The following TJP1 variants were observed in gnomAD, a reference collection of about 807,000 sequenced individuals.
TJP1 encodes the protein tight junction protein 1.
In TJP1, 43 loss-of-function variants were observed where a neutral mutation model predicts 194.2. The observed-to-expected ratio is 0.22, with a 90% CI of 0.17 to 0.29. The LOEUF is 0.29. Ranked by LOEUF, TJP1 falls within the 10% of genes least tolerant of loss-of-function variation. The probability of loss-of-function intolerance (pLI) is 1.00; values close to 1 mark genes in which losing one functional copy is unlikely to be tolerated. For synonymous variants in TJP1, 801 were observed against 779.0 expected, an observed-to-expected ratio of 1.03 and a Z score of -0.47; for missense variants, 1,971 against 2,185.7, an observed-to-expected ratio of 0.90 and a Z score of 1.96.
At position 29,719,131 on chromosome 15, in the gene TJP1, C is replaced by G. The variant is rs779206488; in HGVS notation, c.3011G>C (p.Arg1004Thr). 2 of 1,591,110 alleles carry G rather than the reference C, an allele frequency of 1.3e-6. No individual in the cohort carries two copies. The highest frequency in any genetic ancestry group is 2.3e-5 in the South Asian group (2 of 86,952). ...SSHVDPTKVY[R>T]KDPYPEEMMR... Reference sequence around the variant, plus strand: ...CATTTCCTCGGGATATGGATCCTTTCTATACACCTGTATAAAAAATTCACA... The same window carrying G: ...CATTTCCTCGGGATATGGATCCTTTGTATACACCTGTATAAAAAATTCACA... Residue 1004 changes from arginine (R) to threonine (T), a missense_variant, in exon 21 of 28, where the codon AGA becomes ACA. Physicochemically the swap from Arg to Thr is moderately conservative, Grantham distance 71. Transcript: ENST00000614355.
intron 24 of TJP1, 149 bp downstream of exon 24, chr15:29,710,682 C>T: frequency 2.1e-6 from 2 of 956,616 alleles, no homozygotes; most frequent in Non-Finnish European, 3.1e-6. Context: ...AGGAGACATA[C>T]TTTTAACAAA....
At chr15:29,707,689 AGGGAGGCTCCAGGT>A (rs1211292904) in intron 25 of TJP1, among the ~76,000 whole-genome samples, 1 of 152,238 alleles carries the variant, frequency 6.6e-6, no homozygotes, top group Non-Finnish European at 1.5e-5. Flanking sequence ...GAGGAGCTGC[AGGGAGGCTCCAGGT>A]GGGCTCACTT....
In TJP1 at chr15:29,839,857, C is replaced by T. The variant is rs115735768; in HGVS notation, c.307-39155G>A. Reference sequence around the variant, plus strand: ...AGTGTGGCTGTCTCATTTTATATTCCTACCACCAATGTAGGAGTGATCCAG... The same window carrying T: ...AGTGTGGCTGTCTCATTTTATATTCTTACCACCAATGTAGGAGTGATCCAG... On this transcript the variant is annotated intron_variant, in intron 2 of 28. Coordinates refer to the TJP1 transcript ENST00000356107. Among the ~76,000 whole-genome samples, 913 of 152,278 alleles carry T rather than the reference C, an allele frequency of 6.0e-3. 15 individuals carry two copies. Among genetic ancestry groups the T allele is most frequent in the African/African-American group, 0.021 (883 of 41,562 alleles).
At position 29,708,687 on chromosome 15, in the gene TJP1, A is replaced by C. The variant is rs553244857; in HGVS notation, c.4722T>G (p.Leu1574=). The change falls in exon 25 of 28, where the codon CTT becomes CTG. Residue 1574 remains leucine (L), a synonymous_variant. Transcript: ENST00000614355. ...GCTGTGCCAAACTGTGCGATTTCAC[A>C]AGAGTTTTTGGAGAAGTGGGAGTTT... The part of the protein sequence containing the change: ...SSKTPTSPKT[L]VKSHSLAQPP... The C allele has an allele frequency of 6.8e-6, 11 of 1,614,246 alleles. No individual in the cohort carries two copies. In the East Asian group the frequency reaches 2.5e-4, roughly 36 times the overall value.
intron 2 of TJP1, among the ~76,000 whole-genome samples, chr15:29,924,237 G>A (rs2152256560): frequency 6.6e-6 from 1 of 152,190 alleles, no homozygotes; most frequent in Admixed American, 6.5e-5. Flanking sequence ...ACCACACCTA[G>A]CTAATTTTTG....
intron 2 of TJP1, among the ~76,000 whole-genome samples, chr15:29,933,468 A>G (rs182292038): frequency 1.7e-3 from 266 of 152,352 alleles, no homozygotes; most frequent in African/African-American, 6.0e-3. Context: ...AATGTCAAGA[A>G]GAAGATAACA....
intron 2 of TJP1, among the ~76,000 whole-genome samples, chr15:29,792,150 G>A (rs1179416903): frequency 6.6e-6 from 1 of 152,158 alleles, no homozygotes; most frequent in Admixed American, 6.5e-5. Context: ...TTTTGTTGTG[G>A]TTGCCTGTTC....
intron 23 of TJP1, among the ~76,000 whole-genome samples, chr15:29,711,713 C>T (rs1459492675): frequency 2.6e-5 from 4 of 151,602 alleles, no homozygotes; most frequent in Non-Finnish European, 5.9e-5. Flanking sequence ...ATACTCGGAG[C>T]ACCATAAAAA....
chr15:29,891,708 T>C (rs1173822690), intron 2 of TJP1, among the ~76,000 whole-genome samples: 2 of 152,180 alleles, frequency 1.3e-5, no homozygotes, highest in Non-Finnish European at 2.9e-5. Flanking sequence ...TGTAATTGTT[T>C]TGGGGCACCA....
intron 1 of TJP1, among the ~76,000 whole-genome samples, chr15:29,810,669 A>G (rs947162787): frequency 6.6e-5 from 10 of 152,212 alleles, no homozygotes; most frequent in African/African-American, 1.7e-4. Flanking sequence ...ACAGGTTATC[A>G]TAAGTGCTAT....
chr15:29,878,910 G>C (rs1028110403), intron 2 of TJP1, among the ~76,000 whole-genome samples: 1 of 151,964 alleles, frequency 6.6e-6, no homozygotes, highest in African/African-American at 2.4e-5. Flanking sequence ...GGATCACGAG[G>C]TCAAGAGATC....
intron 18 of TJP1, among the ~76,000 whole-genome samples, chr15:29,721,767 C>A (rs1401374397): frequency 2.0e-5 from 3 of 152,158 alleles, no homozygotes; most frequent in Non-Finnish European, 4.4e-5. Context: ...GTGATATGGA[C>A]AATAAAGTCC....
At chr15:29,808,316 A>C (rs1207232884) in intron 1 of TJP1, among the ~76,000 whole-genome samples, 1 of 152,166 alleles carries the variant, frequency 6.6e-6, no homozygotes, top group African/African-American at 2.4e-5. Flanking sequence ...CACTGTTAGA[A>C]GTTGGGACAG....
chr15:29,924,111 T>C (rs1256212550), intron 2 of TJP1, among the ~76,000 whole-genome samples: 1 of 152,218 alleles, frequency 6.6e-6, no homozygotes, highest in Non-Finnish European at 1.5e-5. Context: ...ACTAAATCTG[T>C]CACCCAAACT....
chr15:29,928,110 T>C (rs1234197242), intron 2 of TJP1, among the ~76,000 whole-genome samples: 1 of 151,306 alleles, frequency 6.6e-6, no homozygotes, highest in Non-Finnish European at 1.5e-5. Flanking sequence ...GGCAAGATTA[T>C]ATAGAAAAAA....
chr15:29,722,422 T>C (rs2042984706), intron 18 of TJP1, among the ~76,000 whole-genome samples: 1 of 152,200 alleles, frequency 6.6e-6, no homozygotes, highest in South Asian at 2.1e-4. Context: ...GTGCAAGCCC[T>C]AAGCCTTGGC....
chr15:29,968,757 T>C, exon 1 of TJP1: 1 of 1,229,858 alleles, frequency 8.1e-7, no homozygotes. Flanking sequence ...TTTCTGGTAC[T>C]TCATCTTGTC....
intron 2 of TJP1, among the ~76,000 whole-genome samples, chr15:29,928,550 A>T (rs910112274): frequency 2.6e-5 from 4 of 152,242 alleles, no homozygotes; most frequent in African/African-American, 9.6e-5. Flanking sequence ...ACTCATGCAC[A>T]TCTACATCAA....
chr15:29,773,196 C>T lies in TJP1; in HGVS notation c.209+37G>A, dbSNP rs577825704. 6 of 1,610,062 alleles carry T rather than the reference C, an allele frequency of 3.7e-6. No individual in the cohort carries two copies. In the South Asian group the frequency reaches 4.4e-5, roughly 12 times the overall value. On this transcript the variant is annotated intron_variant, in intron 3 of 27. Transcript: ENST00000614355. ...CCAGTGCCTGAGGAGAGGAACACTGCTTGTTGCACAGTGCCCACGATAAGC... is the reference window on the plus strand; with the variant it reads ...CCAGTGCCTGAGGAGAGGAACACTGTTTGTTGCACAGTGCCCACGATAAGC...
Sources: allele counts gnomAD v4.1 joint callset (sites outside exome capture counted in the v4.1 genomes callset), GRCh38; gene constraint gnomAD v4.1.1; transcripts MANE v1.5; gene names NCBI Gene and HGNC (gene_info 2026-07-23, HGNC 2026-07-21).